Variants in GAB2 observed in about 807,000 individuals in gnomAD.
The protein encoded by GAB2 is GRB2 associated binding protein 2.
In GAB2, 26 loss-of-function variants were observed where a neutral mutation model predicts 65.5. The ratio of observed to expected loss-of-function variants is 0.40; its 90% CI spans 0.29 to 0.55. GAB2 has a LOEUF of 0.55. Among genes scored for constraint, GAB2 ranks in the 20% least tolerant of loss-of-function variants. The probability of loss-of-function intolerance (pLI) is 0.53; values close to 1 mark genes in which losing one functional copy is unlikely to be tolerated. For synonymous variants in GAB2, 321 were observed against 329.6 expected, an observed-to-expected ratio of 0.97 and a Z score of 0.28; for missense variants, 884 against 875.8, an observed-to-expected ratio of 1.01 and a Z score of -0.12.
intron 1 of GAB2, among the ~76,000 whole-genome samples, chr11:78,351,582 A>G (rs934117389): frequency 1.3e-5 from 2 of 152,190 alleles, no homozygotes; most frequent in Admixed American, 6.5e-5. Context: ...TTCTCCTTCA[A>G]TAATCTCATT....
intron 5 of GAB2, among the ~76,000 whole-genome samples, chr11:78,224,429 C>G (rs752936271): frequency 6.0e-4 from 92 of 152,090 alleles, no homozygotes; most frequent in Non-Finnish European, 1.1e-3. Context: ...TTTCCCCAGT[C>G]CAGGTTTCTA....
At chr11:78,268,522 T>A (rs1369241752) in intron 2 of GAB2, among the ~76,000 whole-genome samples, 1 of 152,058 alleles carries the variant, frequency 6.6e-6, no homozygotes, top group Non-Finnish European at 1.5e-5. Flanking sequence ...AATTCAACAA[T>A]CATTTATTAT....
chr11:78,411,023 C>G (rs907940490), intron 1 of GAB2, among the ~76,000 whole-genome samples: 2 of 151,828 alleles, frequency 1.3e-5, no homozygotes, highest in Non-Finnish European at 2.9e-5. Context: ...CACAGCAGTA[C>G]GCAGCTGTCG....
chr11:78,375,483 G>C (rs1378071290), intron 1 of GAB2, among the ~76,000 whole-genome samples: 1 of 152,090 alleles, frequency 6.6e-6, no homozygotes, highest in African/African-American at 2.4e-5. Context: ...ACATTAAAAA[G>C]GCATTTATTG....
At chr11:78,315,797 G>A (rs889270786) in intron 1 of GAB2, among the ~76,000 whole-genome samples, 1 of 152,174 alleles carries the variant, frequency 6.6e-6, no homozygotes, top group Non-Finnish European at 1.5e-5. Context: ...TTAATATTAG[G>A]TGTCAACTTG....
At chr11:78,416,322 A>G (rs968112167) in intron 1 of GAB2, among the ~76,000 whole-genome samples, 2 of 152,178 alleles carry the variant, frequency 1.3e-5, no homozygotes, top group Non-Finnish European at 2.9e-5. Flanking sequence ...GCCTGATTTC[A>G]TTGACACACA....
chr11:78,226,441 G>A, intron 4 of GAB2, 24 bp downstream of exon 4: 1 of 1,565,568 alleles, frequency 6.4e-7, no homozygotes, highest in Non-Finnish European at 8.8e-7. Flanking sequence ...CTCCCTCTGA[G>A]TCTCAGCTAG....
intron 5 of GAB2, among the ~76,000 whole-genome samples, chr11:78,223,966 C>T (rs940322279): frequency 6.6e-6 from 1 of 152,128 alleles, no homozygotes; most frequent in African/African-American, 2.4e-5. Flanking sequence ...CTTGTAGTCC[C>T]AGCTACTCAG....
chr11:78,227,773 CTAGTA>C, intron 3 of GAB2, among the ~76,000 whole-genome samples: 1 of 152,200 alleles, frequency 6.6e-6, no homozygotes, highest in Middle Eastern at 3.4e-3. Flanking sequence ...GCATTCCAGT[CTAGTA>C]AACAGAATGA....
chr11:78,282,067 C>T (rs2134588210), intron 1 of GAB2, among the ~76,000 whole-genome samples: 1 of 152,260 alleles, frequency 6.6e-6, no homozygotes, highest in Middle Eastern at 3.4e-3. Context: ...TTGATGTTTC[C>T]TTAGTCCTTA....
At chr11:78,314,134 A>G (rs1165771241) in intron 1 of GAB2, among the ~76,000 whole-genome samples, 3 of 152,252 alleles carry the variant, frequency 2.0e-5, no homozygotes, top group Non-Finnish European at 2.9e-5. Context: ...TGAGTCAGGC[A>G]GGCATCACAT....
chr11:78,260,902 C>T (rs776907629), intron 2 of GAB2, among the ~76,000 whole-genome samples: 1 of 152,146 alleles, frequency 6.6e-6, no homozygotes, highest in African/African-American at 2.4e-5. Context: ...TTTCTCTAAT[C>T]GTGTTTAGCA....
At chr11:78,415,939 C>CTT (rs1303081510) in intron 1 of GAB2, among the ~76,000 whole-genome samples, 4,575 of 128,960 alleles carry the variant, frequency 0.035, 244 homozygotes, top group African/African-American at 0.12. Flanking sequence ...TTAAGGGTCA[C>CTT]TTTTTTTTTT....
chr11:78,359,224 G>C (rs1243328108), intron 1 of GAB2, among the ~76,000 whole-genome samples: 1 of 152,176 alleles, frequency 6.6e-6, no homozygotes, highest in African/African-American at 2.4e-5. Context: ...ACCATTGAAA[G>C]AATACCAAAC....
chr11:78,379,549 T>C (rs991257030), intron 1 of GAB2, among the ~76,000 whole-genome samples: 3 of 152,174 alleles, frequency 2.0e-5, no homozygotes, highest in African/African-American at 7.2e-5. Context: ...AGTGAGCAAA[T>C]GGGTCCTGAT....
chr11:78,291,568 T>A, intron 1 of GAB2, among the ~76,000 whole-genome samples: 1 of 110,038 alleles, frequency 9.1e-6, no homozygotes, highest in African/African-American at 3.5e-5. Flanking sequence ...TTTCTTTTTT[T>A]TTTTTTTTTT....
chr11:78,236,635 C>G (rs1405309663), intron 3 of GAB2, among the ~76,000 whole-genome samples: 1 of 152,152 alleles, frequency 6.6e-6, no homozygotes, highest in Non-Finnish European at 1.5e-5. Flanking sequence ...TAAAGAAGTT[C>G]TCCTCAATTC....
intron 1 of GAB2, among the ~76,000 whole-genome samples, chr11:78,316,629 T>C (rs752138931): frequency 7.9e-5 from 12 of 152,186 alleles, no homozygotes; most frequent in South Asian, 2.1e-4. Context: ...CTTTAAAAAA[T>C]AGAAATAAGT....
intron 2 of GAB2, among the ~76,000 whole-genome samples, chr11:78,267,680 A>G (rs1865904019): frequency 1.3e-5 from 2 of 151,806 alleles, no homozygotes. Context: ...AACATGGTGA[A>G]ACCCCGTCGC....
Sources: allele counts gnomAD v4.1 joint callset (sites outside exome capture counted in the v4.1 genomes callset), GRCh38; gene constraint gnomAD v4.1.1; transcripts MANE v1.5; gene names NCBI Gene and HGNC (gene_info 2026-07-23, HGNC 2026-07-21).